Variants in LRRC63 observed in about 807,000 individuals in gnomAD.
The protein encoded by LRRC63 is leucine-rich repeat-containing protein 63.
In LRRC63, 40 loss-of-function variants were observed where a neutral mutation model predicts 49.5. The observed-to-expected ratio is 0.81, with a 90% CI of 0.63 to 1.05. The LOEUF is 1.05. Among genes scored for constraint, LRRC63 ranks in the 50% least tolerant of loss-of-function variants. LRRC63 has a pLI of 0.00. For synonymous variants in LRRC63, 191 were observed against 221.1 expected, an observed-to-expected ratio of 0.86 and a Z score of 1.21; for missense variants, 636 against 663.1, an observed-to-expected ratio of 0.96 and a Z score of 0.45.
At chr13:46,274,277 C>T (rs1176000806) in intron 9 of LRRC63, among the ~76,000 whole-genome samples, 5 of 152,264 alleles carry the variant, frequency 3.3e-5, no homozygotes, top group Admixed American at 2.0e-4. Context: ...GGTTCAATCT[C>T]ATCAAAGATG....
At chr13:46,249,583 C>T (rs1422756998) in intron 6 of LRRC63, among the ~76,000 whole-genome samples, 1 of 151,756 alleles carries the variant, frequency 6.6e-6, no homozygotes, top group Non-Finnish European at 1.5e-5. Context: ...ATATGAATGG[C>T]TCCATGATCT....
chr13:46,221,521 GGAAATTAACTCT>G (rs1358561498), intron 2 of LRRC63, among the ~76,000 whole-genome samples: 8 of 152,116 alleles, frequency 5.3e-5, no homozygotes, highest in African/African-American at 1.9e-4. Flanking sequence ...AAAACCAATG[GGAAATTAACTCT>G]GAAGACTAGG....
chr13:46,228,973 G>A (rs1418184357), intron 4 of LRRC63, among the ~76,000 whole-genome samples: 2 of 152,086 alleles, frequency 1.3e-5, no homozygotes, highest in African/African-American at 4.8e-5. Flanking sequence ...TCTGGGTGGG[G>A]TGGACAGGCA....
At chr13:46,237,695 C>A (rs2046941891) in intron 5 of LRRC63, among the ~76,000 whole-genome samples, 1 of 151,908 alleles carries the variant, frequency 6.6e-6, no homozygotes, top group Non-Finnish European at 1.5e-5. Flanking sequence ...ATAAACAAAT[C>A]ATTAGCTAGA....
exon 5 of LRRC63, chr13:46,234,240 G>A: frequency 6.5e-7 from 1 of 1,550,214 alleles, no homozygotes; most frequent in Non-Finnish European, 8.7e-7. Flanking sequence ...GTTGTACGTG[G>A]TGAAGGTTTT....
chr13:46,268,222 C>T (rs943769225), intron 9 of LRRC63, among the ~76,000 whole-genome samples: 1 of 152,010 alleles, frequency 6.6e-6, no homozygotes, highest in African/African-American at 2.4e-5. Context: ...TTAACATTAA[C>T]TCAATGCATG....
At chr13:46,265,412 A>G (rs1012777050) in intron 8 of LRRC63, among the ~76,000 whole-genome samples, 9 of 152,182 alleles carry the variant, frequency 5.9e-5, no homozygotes, top group South Asian at 2.1e-4. Context: ...GGGCAGTTAT[A>G]AAAAACAGAA....
intron 9 of LRRC63, among the ~76,000 whole-genome samples, chr13:46,274,954 A>AT (rs1043246072): frequency 9.2e-5 from 14 of 151,886 alleles, no homozygotes; most frequent in South Asian, 2.1e-4. Flanking sequence ...TCTACCTGTG[A>AT]TTTTTTTTCC....
intron 4 of LRRC63, 55 bp from the exon 5 acceptor site, chr13:46,234,137 A>C (rs1304254515): frequency 6.9e-7 from 1 of 1,454,186 alleles, no homozygotes; most frequent in East Asian, 2.5e-5. Flanking sequence ...CTTAACTTTC[A>C]TTCTAAGTGA....
exon 3 of LRRC63, chr13:46,227,565 A>C: frequency 6.5e-7 from 1 of 1,547,568 alleles, no homozygotes; most frequent in Non-Finnish European, 8.7e-7. Context: ...AGATGAAACC[A>C]CTTCCATTAA....
At chr13:46,218,728 A>C (rs1298239514) in intron 2 of LRRC63, among the ~76,000 whole-genome samples, 2 of 152,108 alleles carry the variant, frequency 1.3e-5, no homozygotes, top group East Asian at 3.9e-4. Flanking sequence ...ATGTTTTTGC[A>C]GTGGCTGGTA....
At chr13:46,267,859 C>G (rs1279713728) in intron 9 of LRRC63, among the ~76,000 whole-genome samples, 3 of 152,050 alleles carry the variant, frequency 2.0e-5, no homozygotes, top group Admixed American at 6.5e-5. Context: ...GGATTCACCA[C>G]AAGGTATTTG....
intron 5 of LRRC63, among the ~76,000 whole-genome samples, chr13:46,236,981 TA>T (rs2138451732): frequency 6.6e-6 from 1 of 152,272 alleles, no homozygotes; most frequent in African/African-American, 2.4e-5. Flanking sequence ...CAATCCAAAC[TA>T]CATTGTTGTA....
exon 10 of LRRC63, chr13:46,276,851 T>TATATATATATA (rs1566518782): frequency 6.9e-6 from 1 of 144,282 alleles, no homozygotes; most frequent in Non-Finnish European, 1.3e-5. Flanking sequence ...TATATATATA[T>TATATATATATA]TTATATATAT....
At chr13:46,251,843 CAAAAT>C (rs2047392086) in intron 7 of LRRC63, among the ~76,000 whole-genome samples, 1 of 151,554 alleles carries the variant, frequency 6.6e-6, no homozygotes, top group Non-Finnish European at 1.5e-5. Flanking sequence ...ACCATTTAAA[CAAAAT>C]AAAAATTCCT....
intron 7 of LRRC63, among the ~76,000 whole-genome samples, chr13:46,253,091 G>A (rs2047426417): frequency 6.6e-6 from 1 of 151,940 alleles, no homozygotes; most frequent in African/African-American, 2.4e-5. Flanking sequence ...GAGATGAAGA[G>A]AACTTGGACC....
At chr13:46,225,620 A>G (rs1013434200) in intron 2 of LRRC63, among the ~76,000 whole-genome samples, 13 of 152,198 alleles carry the variant, frequency 8.5e-5, no homozygotes, top group African/African-American at 3.1e-4. Flanking sequence ...GTTTTGTTTT[A>G]ATAGAGAGAA....
At chr13:46,254,237 A>C (rs1031882437) in intron 7 of LRRC63, among the ~76,000 whole-genome samples, 1 of 152,146 alleles carries the variant, frequency 6.6e-6, no homozygotes, top group African/African-American at 2.4e-5. Flanking sequence ...CTTTAGATGC[A>C]ATGTGAGAAG....
intron 9 of LRRC63, among the ~76,000 whole-genome samples, chr13:46,274,098 G>T (rs184259012): frequency 6.6e-6 from 1 of 152,038 alleles, no homozygotes. Flanking sequence ...GGGAAGGCTG[G>T]GTGGAGGTCA....
Sources: gnomAD v4.1 joint callset for allele counts (sites outside exome capture counted in the v4.1 genomes callset) on GRCh38, gnomAD v4.1.1 for gene constraint, MANE v1.5 for transcripts, NCBI Gene and HGNC (gene_info 2026-07-23, HGNC 2026-07-21) for gene names.